EPM2A: variants seen among roughly 807,000 people sequenced by gnomAD.
The protein encoded by EPM2A is laforin.
EPM2A carries 21 observed loss-of-function variants against 26.5 expected under a neutral mutation model. That is an observed-to-expected ratio of 0.79 (90% CI 0.56 to 1.14). EPM2A has a LOEUF of 1.14. Ranked by LOEUF, EPM2A falls within the 50% of genes most tolerant of loss-of-function variation. EPM2A has a pLI of 0.00. For synonymous variants in EPM2A, 217 were observed against 177.6 expected, an observed-to-expected ratio of 1.22 and a Z score of -1.76; for missense variants, 458 against 440.8, an observed-to-expected ratio of 1.04 and a Z score of -0.35.
intron 1 of EPM2A, among the ~76,000 whole-genome samples, chr6:145,705,146 G>C (rs1019364993): frequency 4.6e-5 from 7 of 152,090 alleles, no homozygotes; most frequent in Non-Finnish European, 1.0e-4. Flanking sequence ...AGTATCAGTG[G>C]TATAAAAGAG....
intron 2 of EPM2A, among the ~76,000 whole-genome samples, chr6:145,558,404 G>C (rs1780759600): frequency 6.6e-6 from 1 of 152,100 alleles, no homozygotes; most frequent in Admixed American, 6.6e-5. Context: ...TGGGAATGCA[G>C]ATATCTGTTT....
intron 4 of EPM2A, among the ~76,000 whole-genome samples, chr6:145,453,946 G>A (rs1415611722): frequency 1.3e-5 from 2 of 152,084 alleles, no homozygotes; most frequent in Non-Finnish European, 1.5e-5. Flanking sequence ...TGTGTCTAAC[G>A]CATATATTTA....
At chr6:145,490,819 A>T in intron 4 of EPM2A, 3 of 604,906 alleles carry the variant, frequency 5.0e-6, no homozygotes, top group Non-Finnish European at 9.5e-6. Context: ...TTGTAGGGTC[A>T]GATGCATGGC....
At chr6:145,607,973 A>G (rs1775302393) in intron 2 of EPM2A, among the ~76,000 whole-genome samples, 2 of 152,284 alleles carry the variant, frequency 1.3e-5, no homozygotes, top group African/African-American at 4.8e-5. Context: ...TCCTGTCCTT[A>G]ACACTCTGTC....
chr6:145,505,652 G>T (rs1582807609), intron 2 of EPM2A, among the ~76,000 whole-genome samples: 1 of 152,046 alleles, frequency 6.6e-6, no homozygotes, highest in Middle Eastern at 3.4e-3. Context: ...TAAGAGCAAA[G>T]TCTTAGTTGT....
chr6:145,615,682 G>C lies in EPM2A; in HGVS notation c.340+19563C>G, dbSNP rs919801935. ...TGACCAAAATGCTGATAGTGATATG[G>C]ACAATGAAATCCAAGCTGAGGTGGT... On this transcript the variant is annotated intron_variant, in intron 2 of 3. Coordinates refer to the EPM2A transcript ENST00000450221. Among the ~76,000 whole-genome samples, 3 of 152,022 alleles carry C rather than the reference G, an allele frequency of 2.0e-5. No individual in the cohort carries two copies. In the South Asian group the frequency reaches 6.2e-4, roughly 32 times the overall value.
intron 2 of EPM2A, among the ~76,000 whole-genome samples, chr6:145,536,006 T>C (rs760011697): frequency 6.6e-6 from 1 of 152,238 alleles, no homozygotes; most frequent in African/African-American, 2.4e-5. Context: ...AATATTATCA[T>C]AAAATTGCTA....
intron 2 of EPM2A, among the ~76,000 whole-genome samples, chr6:145,529,524 A>G (rs1780324582): frequency 6.6e-6 from 1 of 152,228 alleles, no homozygotes; most frequent in African/African-American, 2.4e-5. Flanking sequence ...TCAGAAATAA[A>G]GAATTTTAAT....
rs561371730 is a variant in EPM2A, at chr6:145,549,363, T to C, written c.341-46788A>G. On this transcript the variant is annotated intron_variant, in intron 2 of 3. Transcript: ENST00000450221. ...GCAATATAATTCTGTTTTGAAGAATTAGAAACCAAAAATTGTTTTCATGAT... is the reference window on the plus strand; with the variant it reads ...GCAATATAATTCTGTTTTGAAGAATCAGAAACCAAAAATTGTTTTCATGAT... Among the ~76,000 whole-genome samples the C allele has an allele frequency of 6.6e-5, 10 of 152,266 alleles. No homozygotes were observed. In the South Asian group the frequency reaches 2.1e-3, roughly 32 times the overall value.
At chr6:145,438,801 T>A (rs1013170511) in intron 4 of EPM2A, among the ~76,000 whole-genome samples, 2 of 152,172 alleles carry the variant, frequency 1.3e-5, no homozygotes, top group Non-Finnish European at 2.9e-5. Context: ...CTATTTTAAC[T>A]TTTATTTTAG....
At chr6:145,385,216 C>T (rs1211383231) in intron 4 of EPM2A, among the ~76,000 whole-genome samples, 1 of 143,044 alleles carries the variant, frequency 7.0e-6, no homozygotes, top group Non-Finnish European at 1.5e-5. Flanking sequence ...ACAAATAATG[C>T]CCTTTTTAAG....
intron 1 of EPM2A, among the ~76,000 whole-genome samples, chr6:145,687,930 C>G (rs12111090): frequency 0.065 from 9,881 of 152,204 alleles, 1,079 homozygotes; most frequent in African/African-American, 0.22. Flanking sequence ...CTAGCAACCT[C>G]ACTTCTAGAA....
At chr6:145,572,183 T>C (rs1314329679) in intron 2 of EPM2A, among the ~76,000 whole-genome samples, 1 of 152,228 alleles carries the variant, frequency 6.6e-6, no homozygotes, top group Admixed American at 6.5e-5. Flanking sequence ...AGGGATGTTC[T>C]AGAAAGGGGC....
intron 2 of EPM2A, among the ~76,000 whole-genome samples, chr6:145,578,221 G>A (rs557828979): frequency 2.0e-5 from 3 of 152,010 alleles, no homozygotes; most frequent in East Asian, 1.9e-4. Context: ...AAGAAATTGA[G>A]ACTAAATAAA....
chr6:145,496,669 C>G (rs1194176243), downstream of EPM2A, among the ~76,000 whole-genome samples: 1 of 151,332 alleles, frequency 6.6e-6, no homozygotes, highest in African/African-American at 2.4e-5. Flanking sequence ...TGTTTTTCAG[C>G]TCTATCAGAT....
chr6:145,667,724 T>TCG (rs1562465202), intron 2 of EPM2A, among the ~76,000 whole-genome samples: 1 of 131,648 alleles, frequency 7.6e-6, no homozygotes, highest in African/African-American at 3.2e-5. Context: ...CGTATGTTTA[T>TCG]TGCAGCATTA....
chr6:145,425,324 C>T (rs1489889539), intron 4 of EPM2A, among the ~76,000 whole-genome samples: 1 of 152,080 alleles, frequency 6.6e-6, no homozygotes, highest in African/African-American at 2.4e-5. Context: ...CAGGCATCCA[C>T]CACCACAACC....
At chr6:145,389,870 G>T (rs1778314551) in intron 4 of EPM2A, among the ~76,000 whole-genome samples, 1 of 152,130 alleles carries the variant, frequency 6.6e-6, no homozygotes. Context: ...TATCAACTGG[G>T]CACTGAAAGA....
At chr6:145,499,107 GATTATGGGTAATTTCTGAATAA>G (rs1463883956), downstream of EPM2A, among the ~76,000 whole-genome samples, 2 of 152,016 alleles carry the variant, frequency 1.3e-5, no homozygotes, top group African/African-American at 4.8e-5. Context: ...ATACAAATCT[GATTATGGGTAATTTCTGAATAA>G]ATTATGGGTA....
Sources: gnomAD v4.1 joint callset for allele counts (sites outside exome capture counted in the v4.1 genomes callset) on GRCh38, gnomAD v4.1.1 for gene constraint, MANE v1.5 for transcripts, NCBI Gene and HGNC (gene_info 2026-07-23, HGNC 2026-07-21) for gene names.